CST7: variants seen among roughly 807,000 people sequenced by gnomAD.
CST7 encodes the protein cystatin-F.
A neutral mutation model predicts 13.1 loss-of-function variants in CST7; 15 were observed. The ratio of observed to expected loss-of-function variants is 1.14; its 90% CI spans 0.77 to 1.76. The LOEUF (loss-of-function observed/expected upper bound fraction) is 1.76, where lower values mean the gene tolerates loss of function less well. Among genes scored for constraint, CST7 ranks in the 40% most tolerant of loss-of-function variants. The pLI, the probability that CST7 is intolerant of heterozygous loss-of-function variation, is 0.00. For missense variants in CST7, 193 were observed against 178.8 expected, an observed-to-expected ratio of 1.08 and a Z score of -0.45; for synonymous variants, 75 against 66.9, an observed-to-expected ratio of 1.12 and a Z score of -0.59.
intron 1 of CST7, among the ~76,000 whole-genome samples, chr20:24,956,106 C>A (rs2087852292): frequency 6.6e-6 from 1 of 152,178 alleles, no homozygotes; most frequent in African/African-American, 2.4e-5. Context: ...AACTTCCAGT[C>A]CCATGCTTCT....
At chr20:24,952,205 C>T (rs115187147) in intron 1 of CST7, among the ~76,000 whole-genome samples, 2,819 of 152,272 alleles carry the variant, frequency 0.019, 83 homozygotes, top group African/African-American at 0.064. Context: ...ACAAGTGCTT[C>T]GTGTATGTTG....
Position 24,949,535 on chromosome 20 carries a change from C to G in CST7, c.30C>G (p.Phe10Leu), listed in dbSNP as rs1225452288. The change falls in exon 1 of 4, where the codon TTC becomes TTG. Residue 10 changes from phenylalanine (F) to leucine (L), a missense_variant. Phe to Leu is a conservative substitution (Grantham distance 22, BLOSUM62 0). Transcript: ENST00000480798. ...GAGCGGCTGGAACTCTGCTGGCCTT[C>G]TGCTGCCTGGTCTTGAGCACCACTG... is the stretch of plus-strand genomic sequence containing the variant. MRAAGTLLA[F>L]CCLVLSTTGG... The G allele has an allele frequency of 1.2e-6, 2 of 1,614,160 alleles. No individual in the cohort carries two copies. The highest frequency in any genetic ancestry group is 1.7e-5 in the Admixed American group (1 of 60,022).
intron 2 of CST7, among the ~76,000 whole-genome samples, chr20:24,957,747 T>C (rs1343286465): frequency 2.0e-5 from 3 of 152,140 alleles, no homozygotes; most frequent in Non-Finnish European, 2.9e-5. Flanking sequence ...AGGGCCCTAA[T>C]GGGGCTCCTG....
chr20:24,953,638 G>A (rs1251911349), intron 1 of CST7, among the ~76,000 whole-genome samples: 8 of 151,992 alleles, frequency 5.3e-5, no homozygotes, highest in South Asian at 2.1e-4. Context: ...CAGCTTCTAC[G>A]TCTGGAAGCT....
rs148733698 is a variant in CST7, at chr20:24,956,436, C to T, written c.71-851C>T. On this transcript the variant is annotated intron_variant, in intron 1 of 3. Transcript: ENST00000480798. The stretch of plus-strand genomic sequence containing the variant: ...AGTCCATAGCAGGCACAAAGACGCA[C>T]GTCCTGCAGCCTCAGGCACAGATAC... Among the ~76,000 whole-genome samples, 25 of 152,326 alleles carry T rather than the reference C, an allele frequency of 1.6e-4. 1 individual carries two copies. In the East Asian group the frequency reaches 4.6e-3, roughly 28 times the overall value.
chr20:24,954,128 A>C (rs1217209030), intron 1 of CST7, among the ~76,000 whole-genome samples: 6 of 151,988 alleles, frequency 3.9e-5, no homozygotes, highest in Non-Finnish European at 1.5e-5. Flanking sequence ...TCCACCCTGC[A>C]TCTCCCCTAG....
intron 1 of CST7, among the ~76,000 whole-genome samples, chr20:24,955,441 A>G (rs2122451607): frequency 6.6e-6 from 1 of 150,650 alleles, no homozygotes; most frequent in East Asian, 1.9e-4. Flanking sequence ...TCAGAGGCCT[A>G]AAGTCTTTTT....
chr20:24,957,228 A>G (rs1186276120), intron 1 of CST7, 59 bp from the exon 2 acceptor site: 8 of 1,555,166 alleles, frequency 5.1e-6, no homozygotes, highest in Non-Finnish European at 7.0e-6. Context: ...GAGGCGTGAC[A>G]CCTGGACTGA....
rs759149422 is a variant in CST7, at chr20:24,957,460, G to GT, written c.243+2dup. ...CCGCATCACAAGGGCCCTAGTTCAG[G>GT]TAACGGTCTGGGTTCTGGTCACATA... On this transcript the variant is annotated splice_donor_variant, in intron 2 of 3. Coordinates refer to ENST00000480798, the MANE Select transcript of CST7 (RefSeq NM_003650.4). LOFTEE classifies it high-confidence loss of function. 2.2e-5 allele frequency: 36 copies of GT among 1,612,992 alleles called. No individual in the cohort carries two copies. Among genetic ancestry groups the GT allele is most frequent in the Non-Finnish European group, 3.1e-5 (36 of 1,179,428 alleles).
chr20:24,957,366 C>T lies in CST7; in HGVS notation c.150C>T (p.Leu50=). 6.2e-7 allele frequency: 1 copy of T among 1,613,798 alleles called. No individual in the cohort carries two copies. Among genetic ancestry groups the T allele is most frequent in the African/African-American group, 1.3e-5 (1 of 74,962 alleles). Residue 50 remains leucine (L), a synonymous_variant, in exon 2 of 4, where the codon CTC becomes CTT. Coordinates refer to ENST00000480798, the MANE Select transcript of CST7 (RefSeq NM_003650.4). ...TAAAGACCAATGACCCAGGAGTCCT[C>T]CAAGCAGCCAGATACAGTGTTGAAA... The part of the protein sequence containing the change: ...KTIKTNDPGV[L]QAARYSVEKF...
chr20:24,949,584 C>A lies in CST7; in HGVS notation c.70+9C>A, dbSNP rs368801661. The A allele has an allele frequency of 1.2e-6, 2 of 1,613,854 alleles. No homozygotes were observed. The highest frequency in any genetic ancestry group is 1.7e-5 in the Admixed American group (1 of 60,008). On this transcript the variant is annotated intron_variant, in intron 1 of 3. Transcript: ENST00000480798. ...TGGGGGCCCTTCCCCAGGTAAGTGG[C>A]GTTCTCCCCTGTCCGCTCCCCGGGG...
chr20:24,957,271 T>G lies in CST7; in HGVS notation c.71-16T>G. 6.2e-7 allele frequency: 1 copy of G among 1,609,686 alleles called. No homozygotes were observed. Among genetic ancestry groups the G allele is most frequent in the Non-Finnish European group, 8.5e-7 (1 of 1,177,920 alleles). On this transcript the variant is annotated splice_polypyrimidine_tract_variant and intron_variant, in intron 1 of 3. Coordinates refer to ENST00000480798, the MANE Select transcript of CST7 (RefSeq NM_003650.4). The stretch of plus-strand genomic sequence containing the variant: ...ACTAACATCAGTGTTCTTGTCTGGC[T>G]CTTTGTCTCTTTCAGATACTTGTTC...
At chr20:24,951,111 T>C (rs960559229) in intron 1 of CST7, among the ~76,000 whole-genome samples, 1 of 152,118 alleles carries the variant, frequency 6.6e-6, no homozygotes, top group Admixed American at 6.5e-5. Flanking sequence ...CTCGCTGGTA[T>C]GTAATGCTGC....
At chr20:24,949,985 ACTTGG>A (rs1250571157) in intron 1 of CST7, among the ~76,000 whole-genome samples, 1 of 152,100 alleles carries the variant, frequency 6.6e-6, no homozygotes, top group Non-Finnish European at 1.5e-5. Context: ...TTGTCCTGTG[ACTTGG>A]CTCCAGGGAC....
intron 1 of CST7, among the ~76,000 whole-genome samples, chr20:24,956,160 G>A (rs554852548): frequency 4.5e-4 from 69 of 152,294 alleles, no homozygotes; most frequent in African/African-American, 1.6e-3. Flanking sequence ...GGGGTGCCAC[G>A]TGGTGACCAG....
chr20:24,959,099 TC>T, intron 3 of CST7, 55 bp downstream of exon 3: 1 of 1,367,524 alleles, frequency 7.3e-7, no homozygotes, highest in Non-Finnish European at 1.0e-6. Context: ...GCCCACTCCC[TC>T]CCAGGACTGT....
intron 1 of CST7, among the ~76,000 whole-genome samples, chr20:24,954,785 G>A (rs538044952): frequency 2.6e-5 from 4 of 152,216 alleles, no homozygotes; most frequent in Admixed American, 6.5e-5. Context: ...GAAGTTCAGC[G>A]TAAACTGAGT....
chr20:24,952,857 AGAGG>A (rs983520460), intron 1 of CST7, among the ~76,000 whole-genome samples: 2 of 152,208 alleles, frequency 1.3e-5, no homozygotes, highest in Non-Finnish European at 2.9e-5. Context: ...CACTCCTGAA[AGAGG>A]GAGGAGGTGG....
At chr20:24,958,669 G>A (rs150613359) in intron 2 of CST7, among the ~76,000 whole-genome samples, 204 of 152,264 alleles carry the variant, frequency 1.3e-3, no homozygotes, top group Non-Finnish European at 2.0e-3. Context: ...CTAGTGTGAC[G>A]TCCCTCCTGA....
Sources: allele counts gnomAD v4.1 joint callset (sites outside exome capture counted in the v4.1 genomes callset), GRCh38; gene constraint gnomAD v4.1.1; transcripts MANE v1.5; gene names NCBI Gene and HGNC (gene_info 2026-07-23, HGNC 2026-07-21).